The following POLR3K variants were observed in gnomAD, a reference collection of about 807,000 sequenced individuals.
POLR3K encodes RNA polymerase III subunit K, also known as DNA-directed RNA polymerase III subunit RPC10.
POLR3K carries 11 observed loss-of-function variants against 13.5 expected under a neutral mutation model. That is an observed-to-expected ratio of 0.81 (90% CI 0.51 to 1.35). The LOEUF (loss-of-function observed/expected upper bound fraction) is 1.35. POLR3K is among the 40% of genes most tolerant of loss of function. The probability of loss-of-function intolerance (pLI) is 0.00; values close to 1 mark genes in which losing one functional copy is unlikely to be tolerated. For synonymous variants in POLR3K, 56 were observed against 51.5 expected, an observed-to-expected ratio of 1.09 and a Z score of -0.38; for missense variants, 144 against 145.3, an observed-to-expected ratio of 0.99 and a Z score of 0.05.
chr16:53,567 C>A lies in POLR3K; in HGVS notation c.20G>T (p.Gly7Val). ...CTCCACGATCAGCCCGTTCCCGCAG[C>A]CGGGGCAGAACAGCAGCATGGTCTC... MLLFCP[G>V]CGNGLIVEEG... is the part of the protein sequence containing the mutation. Residue 7 changes from glycine to valine, a missense_variant, in exon 1 of 3, where the codon GGC becomes GTC. By Grantham distance (109) the Gly-to-Val change is moderately radical. Transcript: ENST00000293860. The A allele has an allele frequency of 6.2e-7, 1 of 1,613,150 alleles. No homozygotes were observed. The highest frequency in any genetic ancestry group is 1.3e-5 in the African/African-American group (1 of 75,040).
In POLR3K at chr16:53,605, C is replaced by A; in HGVS notation, c.-19G>T. The A allele has an allele frequency of 3.1e-6, 5 of 1,597,334 alleles. No individual in the cohort carries two copies. The highest frequency in any genetic ancestry group is 3.4e-6 in the Non-Finnish European group (4 of 1,172,052). ...GCAGCATGGTCTCGAACTCCGCAGG[C>A]TCCAACTCCCGGCAGCTCCCACTGC... On this transcript the variant is annotated 5_prime_UTR_variant, in exon 1 of 3. Transcript: ENST00000293860.
In POLR3K at chr16:47,424, C is replaced by T. The variant is rs538384211; in HGVS notation, c.*6G>A. On this transcript the variant is annotated 3_prime_UTR_variant, in exon 3 of 3. Transcript: ENST00000293860. ...CACACACTAGGGCAGCTGGGCCATC[C>T]TGGCCCTAATCCCTCCAGCGGTGTC... is the stretch of plus-strand genomic sequence containing the variant. The T allele has an allele frequency of 1.2e-6, 2 of 1,612,028 alleles. No individual in the cohort carries two copies. Among genetic ancestry groups the T allele is most frequent in the African/African-American group, 2.7e-5 (2 of 74,982 alleles).
chr16:52,446 CAAAAAAAAAAAAAAAAAAAAAAAA>C (rs767411954), intron 1 of POLR3K, among the ~76,000 whole-genome samples: 49,991 of 74,154 alleles, frequency 0.67, 15,693 homozygotes, highest in Admixed American at 0.73. Context: ...GACTCTGTCT[CAAAAAAAAAAAAAAAAAAAAAAAA>C]AAAAAAAAAA....
chr16:52,787 AAAAAAAAACAAT>A (rs1567150867), intron 1 of POLR3K, among the ~76,000 whole-genome samples: 17 of 26,102 alleles, frequency 6.5e-4, no homozygotes, highest in Admixed American at 1.8e-3. Context: ...AAAAAAAAAA[AAAAAAAAACAAT>A]AAAAAAAAAT....
intron 2 of POLR3K, among the ~76,000 whole-genome samples, chr16:47,849 C>CAAA (rs750499325): frequency 6.0e-4 from 21 of 35,116 alleles, no homozygotes; most frequent in South Asian, 1.6e-3. Flanking sequence ...CCACTGCACT[C>CAAA]AAAAAAAAAA....
chr16:47,354 A>G lies in POLR3K; in HGVS notation c.*76T>C, dbSNP rs8466. Reference sequence around the variant, plus strand: ...ACTAGCAAAGACCCTCAGGACACACAACTCATACTGCCAGCTAAGCATCTA... The same window carrying G: ...ACTAGCAAAGACCCTCAGGACACACGACTCATACTGCCAGCTAAGCATCTA... On this transcript the variant is annotated 3_prime_UTR_variant, in exon 3 of 3. Transcript: ENST00000293860. The G allele has an allele frequency of 0.16, 246,590 of 1,543,572 alleles. 22,534 individuals carry two copies. The highest frequency in any genetic ancestry group is 0.34 in the African/African-American group (24,758 of 73,000).
At chr16:48,667 C>T (rs948191018) in intron 2 of POLR3K, among the ~76,000 whole-genome samples, 2 of 151,164 alleles carry the variant, frequency 1.3e-5, no homozygotes, top group Admixed American at 6.6e-5. Context: ...AAAAATTAGC[C>T]AGGCGTGGTG....
intron 2 of POLR3K, among the ~76,000 whole-genome samples, chr16:49,702 C>T (rs116440435): frequency 0.14 from 20,646 of 150,114 alleles, 1,533 homozygotes; most frequent in Middle Eastern, 0.25. Context: ...TGCAATAGCA[C>T]GATCTCAGCT....
In POLR3K at chr16:53,592, C is replaced by T. The variant is rs375083401; in HGVS notation, c.-6G>A. 2.7e-5 allele frequency: 44 copies of T among 1,607,648 alleles called. No individual in the cohort carries two copies. The African/African-American group carries it at 5.5e-4, about 20-fold the overall frequency. On this transcript the variant is annotated 5_prime_UTR_variant, in exon 1 of 3. Coordinates refer to ENST00000293860, the MANE Select transcript of POLR3K (RefSeq NM_016310.5). ...CCGGGGCAGAACAGCAGCATGGTCT[C>T]GAACTCCGCAGGCTCCAACTCCCGG...
At chr16:53,390 G>A (rs1437359532) in intron 1 of POLR3K, 86 bp downstream of exon 1, 6 of 1,492,546 alleles carry the variant, frequency 4.0e-6, no homozygotes, top group East Asian at 2.6e-5. Context: ...GGCAGACGCC[G>A]GGGCTGGCGG....
intron 2 of POLR3K, among the ~76,000 whole-genome samples, chr16:48,699 T>A (rs548342473): frequency 1.3e-5 from 2 of 151,344 alleles, no homozygotes; most frequent in Admixed American, 1.3e-4. Context: ...CAGTCCCAGC[T>A]ACTCGGGAGG....
chr16:49,630 T>C (rs917175085), intron 2 of POLR3K, among the ~76,000 whole-genome samples: 2 of 150,428 alleles, frequency 1.3e-5, no homozygotes, highest in Non-Finnish European at 3.0e-5. Flanking sequence ...CCACTGAGCC[T>C]GGCTAATTTG....
chr16:53,205 G>C (rs1222928276), intron 1 of POLR3K: 3 of 524,656 alleles, frequency 5.7e-6, no homozygotes, highest in South Asian at 6.4e-5. Flanking sequence ...ACGGACCTGC[G>C]TGCCTCAGCT....
chr16:50,913 A>G (rs1897325427), intron 2 of POLR3K, among the ~76,000 whole-genome samples: 1 of 152,234 alleles, frequency 6.6e-6, no homozygotes, highest in African/African-American at 2.4e-5. Context: ...CTCTTCACAG[A>G]GCAGCAGGAG....
intron 2 of POLR3K, among the ~76,000 whole-genome samples, chr16:48,404 G>A (rs866902289): frequency 1.3e-5 from 2 of 152,208 alleles, no homozygotes; most frequent in South Asian, 2.1e-4. Context: ...AACATGGAAG[G>A]TGACTGTTTT....
chr16:51,535 A>G, intron 2 of POLR3K, 23 bp downstream of exon 2: 1 of 1,593,654 alleles, frequency 6.3e-7, no homozygotes. Flanking sequence ...CAGTTTAGCA[A>G]CAGAAACAGT....
rs113159157 is a variant in POLR3K at position 49,640 on chromosome 16, GT to G, written c.199+1917del. Among the ~76,000 whole-genome samples, 1,127 of 124,970 alleles carry G rather than the reference GT, an allele frequency of 9.0e-3. 6 individuals are homozygous for G. The highest frequency in any genetic ancestry group is 0.012 in the Non-Finnish European group (686 of 57,552). The allele number at this position is 124,970 out of a possible 152,430, so 82.0% of individuals were successfully genotyped here. A position where few individuals can be genotyped will look rare whatever the true frequency, so the allele number is the denominator to read the frequency against. On this transcript the variant is annotated intron_variant, in intron 2 of 2. Coordinates refer to ENST00000293860, the MANE Select transcript of POLR3K (RefSeq NM_016310.5). ...ACGCGCCACTGAGCCTGGCTAATTT[GT>G]TTTTTTTTTTTTTTTGAGACGGAGT... is the stretch of plus-strand genomic sequence containing the variant.
At position 47,305 on chromosome 16, in the gene POLR3K, T is replaced by A; in HGVS notation, c.*125A>T. On this transcript the variant is annotated 3_prime_UTR_variant, in exon 3 of 3. Transcript: ENST00000293860. ...TTTCCTGACCCCCTGGCTCTTCACCTCAAAAGGTTTATCTTTCCACCACAC... is the reference window on the plus strand; with the variant it reads ...TTTCCTGACCCCCTGGCTCTTCACCACAAAAGGTTTATCTTTCCACCACAC... The A allele has an allele frequency of 7.6e-7, 1 of 1,316,528 alleles. No individual in the cohort carries two copies. The highest frequency in any genetic ancestry group is 1.5e-5 in the South Asian group (1 of 66,774). 81.6% of individuals were successfully genotyped at this position (1,316,528 alleles called of 1,614,324 possible). A position where few individuals can be genotyped will look rare whatever the true frequency, so the allele number is the denominator to read the frequency against.
At chr16:49,890 G>A (rs1897317214) in intron 2 of POLR3K, among the ~76,000 whole-genome samples, 1 of 151,972 alleles carries the variant, frequency 6.6e-6, no homozygotes, top group Non-Finnish European at 1.5e-5. Context: ...CGCCCACATT[G>A]GCCTCCCAAA....
Sources: gnomAD v4.1 joint callset for allele counts (sites outside exome capture counted in the v4.1 genomes callset) on GRCh38, gnomAD v4.1.1 for gene constraint, MANE v1.5 for transcripts, NCBI Gene and HGNC (gene_info 2026-07-23, HGNC 2026-07-21) for gene names.